The following FRMD3 variants were observed in gnomAD, a reference collection of about 807,000 sequenced individuals.
The protein encoded by FRMD3 is FERM domain containing 3, also known as FERM domain-containing protein 3.
In FRMD3, 33 loss-of-function variants were observed where a neutral mutation model predicts 70.2. The ratio of observed to expected loss-of-function variants is 0.47; its 90% CI spans 0.36 to 0.63. FRMD3 has a LOEUF of 0.63. FRMD3 is among the 20% of genes least tolerant of loss of function. FRMD3 has a pLI of 0.00. For synonymous variants in FRMD3, 279 were observed against 255.9 expected, an observed-to-expected ratio of 1.09 and a Z score of -0.86; for missense variants, 632 against 711.4, an observed-to-expected ratio of 0.89 and a Z score of 1.27.
intron 1 of FRMD3, among the ~76,000 whole-genome samples, chr9:83,493,485 G>A (rs3860939): frequency 0.68 from 102,748 of 151,902 alleles, 34,998 homozygotes; most frequent in African/African-American, 0.73. Context: ...CTTCCACGAA[G>A]CACTGGCTCC....
chr9:83,578,424 T>C, the FRMD3 span, among the ~76,000 whole-genome samples: 2 of 151,658 alleles, frequency 1.3e-5, no homozygotes, highest in African/African-American at 2.4e-5. Context: ...GATGGAAAAA[T>C]CCTCAACAAA....
chr9:83,246,031 A>C lies in FRMD3; in HGVS notation c.*1887T>G. ...CCCTCAAACTTAATGGCAAATATATAGTCATTTGCTCGACTGCAGGCTTCA... is the reference window on the plus strand; with the variant it reads ...CCCTCAAACTTAATGGCAAATATATCGTCATTTGCTCGACTGCAGGCTTCA... On this transcript the variant is annotated 3_prime_UTR_variant, in exon 14 of 14. Coordinates refer to ENST00000304195, the MANE Select transcript of FRMD3 (RefSeq NM_174938.6). 2 of 985,390 alleles carry C rather than the reference A, an allele frequency of 2.0e-6. No individual in the cohort carries two copies. Among genetic ancestry groups the C allele is most frequent in the Non-Finnish European group, 2.4e-6 (2 of 829,916 alleles). The allele number at this position is 985,390 out of a possible 1,614,324, so 61.0% of individuals were successfully genotyped here. A position where few individuals can be genotyped will look rare whatever the true frequency, so the allele number is the denominator to read the frequency against.
chr9:83,319,216 T>TTG (rs1835702753), intron 6 of FRMD3, among the ~76,000 whole-genome samples: 1 of 152,196 alleles, frequency 6.6e-6, no homozygotes, highest in Non-Finnish European at 1.5e-5. Flanking sequence ...TTGCCTATTT[T>TTG]TGTTTTGTTG....
the FRMD3 span, among the ~76,000 whole-genome samples, chr9:83,583,911 T>C: frequency 6.6e-6 from 1 of 152,214 alleles, no homozygotes; most frequent in Non-Finnish European, 1.5e-5. Context: ...GGAAACTCTT[T>C]CTTGTCTTCC....
chr9:83,255,941 A>C (rs1410692894), intron 13 of FRMD3, among the ~76,000 whole-genome samples: 1 of 152,208 alleles, frequency 6.6e-6, no homozygotes, highest in Admixed American at 6.5e-5. Context: ...AAATGGCCAT[A>C]CTGCCCAAAG....
intron 1 of FRMD3, among the ~76,000 whole-genome samples, chr9:83,437,442 A>G (rs972857160): frequency 7.2e-5 from 11 of 152,254 alleles, no homozygotes; most frequent in African/African-American, 2.6e-4. Flanking sequence ...TGCTCATTCT[A>G]TATTTGTATG....
intron 5 of FRMD3, among the ~76,000 whole-genome samples, chr9:83,335,913 C>T (rs1312976244): frequency 6.6e-6 from 1 of 152,066 alleles, no homozygotes; most frequent in Admixed American, 6.6e-5. Context: ...TCAGTGGGGA[C>T]ACCATTGGCA....
At chr9:83,500,017 T>C (rs1284417360) in intron 1 of FRMD3, among the ~76,000 whole-genome samples, 50 of 152,206 alleles carry the variant, frequency 3.3e-4, no homozygotes, top group Non-Finnish European at 4.4e-5. Context: ...TAACTTTTGA[T>C]TCTAGCAATA....
chr9:83,469,111 A>C (rs1353251720), intron 1 of FRMD3, among the ~76,000 whole-genome samples: 3 of 152,238 alleles, frequency 2.0e-5, no homozygotes, highest in African/African-American at 7.2e-5. Flanking sequence ...CATTCAAATG[A>C]GGTTAAACTA....
chr9:83,258,771 A>C (rs1483870352), intron 13 of FRMD3, among the ~76,000 whole-genome samples: 1 of 152,208 alleles, frequency 6.6e-6, no homozygotes, highest in Admixed American at 6.5e-5. Context: ...CATCTGGCTG[A>C]AAACAAACTG....
chr9:83,568,953 T>G, the FRMD3 span, among the ~76,000 whole-genome samples: 1 of 114,212 alleles, frequency 8.8e-6, no homozygotes, highest in Non-Finnish European at 2.0e-5. Context: ...GATAGATAGA[T>G]AGATACATAC....
chr9:83,252,738 G>A (rs927800569), intron 13 of FRMD3, among the ~76,000 whole-genome samples: 3 of 152,148 alleles, frequency 2.0e-5, no homozygotes, highest in African/African-American at 7.2e-5. Flanking sequence ...TGACAAAACA[G>A]ACTTTAAACC....
At chr9:83,412,857 T>C (rs2131342321) in intron 1 of FRMD3, among the ~76,000 whole-genome samples, 1 of 152,070 alleles carries the variant, frequency 6.6e-6, no homozygotes, top group South Asian at 2.1e-4. Flanking sequence ...TAGCCGGGCA[T>C]GGTGGCACAC....
At position 83,527,229 on chromosome 9, in the gene FRMD3, T is replaced by C. The variant is rs910709175; in HGVS notation, c.147+10856A>G. Among the ~76,000 whole-genome samples the C allele has an allele frequency of 2.6e-5, 4 of 152,230 alleles. No individual in the cohort carries two copies. The South Asian group carries it at 8.3e-4, about 32-fold the overall frequency. ...AGAAGGCAGTCACTAAGCCTAGTCC[T>C]GTGTGCTCTCATGGACATGCAACAC... On this transcript the variant is annotated intron_variant, in intron 1 of 13. Transcript: ENST00000304195.
At chr9:83,260,097 T>G (rs774205560) in intron 13 of FRMD3, among the ~76,000 whole-genome samples, 4 of 152,182 alleles carry the variant, frequency 2.6e-5, no homozygotes, top group Non-Finnish European at 4.4e-5. Context: ...CAGTCCAGCA[T>G]TCTGTGGCTC....
chr9:83,332,233 T>G (rs371115816), intron 6 of FRMD3, among the ~76,000 whole-genome samples: 3 of 152,210 alleles, frequency 2.0e-5, no homozygotes, highest in African/African-American at 7.2e-5. Context: ...TATCCTCCAG[T>G]ACAGTGAAGG....
intron 6 of FRMD3, among the ~76,000 whole-genome samples, chr9:83,329,631 T>A (rs1351430085): frequency 6.6e-6 from 1 of 152,200 alleles, no homozygotes; most frequent in Non-Finnish European, 1.5e-5. Flanking sequence ...TAGAGATAAT[T>A]ACTCTGTTTA....
intron 10 of FRMD3, among the ~76,000 whole-genome samples, chr9:83,301,925 G>C (rs996017711): frequency 6.6e-6 from 1 of 152,242 alleles, no homozygotes; most frequent in Non-Finnish European, 1.5e-5. Flanking sequence ...GTATCTGCAG[G>C]TGATCTGATT....
chr9:83,333,955 A>G (rs1823486123), intron 6 of FRMD3, among the ~76,000 whole-genome samples: 1 of 152,144 alleles, frequency 6.6e-6, no homozygotes, highest in African/African-American at 2.4e-5. Context: ...TCTTAGCACA[A>G]TGTTTTGGCA....
Sources: allele counts gnomAD v4.1 joint callset (sites outside exome capture counted in the v4.1 genomes callset), GRCh38; gene constraint gnomAD v4.1.1; transcripts MANE v1.5; gene names NCBI Gene and HGNC (gene_info 2026-07-23, HGNC 2026-07-21).